KIAA1549L: variants seen among roughly 807,000 people sequenced by gnomAD.
KIAA1549L encodes KIAA1549 like.
KIAA1549L carries 88 observed loss-of-function variants against 160.7 expected under a neutral mutation model. The ratio of observed to expected loss-of-function variants is 0.55; its 90% CI spans 0.46 to 0.65. The LOEUF is 0.65. KIAA1549L is among the 30% of genes least tolerant of loss of function. The pLI is 0.00. For synonymous variants in KIAA1549L, 950 were observed against 976.7 expected, an observed-to-expected ratio of 0.97 and a Z score of 0.51; for missense variants, 2,258 against 2,437.5, an observed-to-expected ratio of 0.93 and a Z score of 1.55.
intron 16 of KIAA1549L, among the ~76,000 whole-genome samples, chr11:33,630,955 G>A (rs1034753004): frequency 3.3e-5 from 5 of 152,136 alleles, no homozygotes; most frequent in Admixed American, 2.0e-4. Flanking sequence ...ATTAATTTTC[G>A]TGCATGGCCA....
intron 9 of KIAA1549L, 87 bp downstream of exon 9, chr11:33,568,314 C>A: frequency 7.7e-7 from 1 of 1,292,100 alleles, no homozygotes; most frequent in Non-Finnish European, 1.0e-6. Flanking sequence ...AGTCAGTGTG[C>A]TCAGAGGAGC....
At chr11:33,450,120 A>AC (rs1331766145) in intron 1 of KIAA1549L, among the ~76,000 whole-genome samples, 1 of 152,216 alleles carries the variant, frequency 6.6e-6, no homozygotes, top group African/African-American at 2.4e-5. Context: ...GCATAACTGA[A>AC]CACCTCATTT....
intron 1 of KIAA1549L, among the ~76,000 whole-genome samples, chr11:33,537,668 A>G (rs1853923325): frequency 6.6e-6 from 1 of 152,216 alleles, no homozygotes; most frequent in Non-Finnish European, 1.5e-5. Context: ...CTGGAGCACT[A>G]AATAACACAT....
At chr11:33,611,844 A>T (rs1304816801) in intron 15 of KIAA1549L, among the ~76,000 whole-genome samples, 1 of 152,232 alleles carries the variant, frequency 6.6e-6, no homozygotes, top group Non-Finnish European at 1.5e-5. Context: ...TTAGGAAGTT[A>T]CTTGAGAAAC....
intron 8 of KIAA1549L, among the ~76,000 whole-genome samples, chr11:33,564,983 T>G: frequency 6.6e-6 from 1 of 152,232 alleles, no homozygotes; most frequent in East Asian, 1.9e-4. Flanking sequence ...TTGAATCTTC[T>G]GGACAAAGCT....
At chr11:33,408,773 TAAAAATACAAA>T (rs1850725064) in intron 1 of KIAA1549L, among the ~76,000 whole-genome samples, 1 of 57,478 alleles carries the variant, frequency 1.7e-5, no homozygotes, top group African/African-American at 6.3e-5. Context: ...CCATCACTAC[TAAAAATACAAA>T]AAAAAAAAAA....
intron 8 of KIAA1549L, among the ~76,000 whole-genome samples, chr11:33,567,611 A>C (rs763907304): frequency 6.6e-6 from 1 of 152,234 alleles, no homozygotes; most frequent in African/African-American, 2.4e-5. Flanking sequence ...GGCAAAATAA[A>C]ATAGGAATAG....
At position 33,423,724 on chromosome 11, in the gene KIAA1549L, T is replaced by C. The variant is rs184644847; in HGVS notation, c.238+46835T>C. Among the ~76,000 whole-genome samples, 63 of 152,300 alleles carry C rather than the reference T, an allele frequency of 4.1e-4. No individual in the cohort carries two copies. The East Asian group carries it at 4.2e-3, about 10-fold the overall frequency. On this transcript the variant is annotated intron_variant, in intron 1 of 20. Transcript: ENST00000658780. The stretch of plus-strand genomic sequence containing the variant: ...AGTGAGATCCAGATTCTAAAGTCAT[T>C]CTTTGAAGAATTGTAACAGAAGGCT...
At chr11:33,386,126 A>G (rs981365203) in intron 1 of KIAA1549L, among the ~76,000 whole-genome samples, 1 of 152,188 alleles carries the variant, frequency 6.6e-6, no homozygotes, top group African/African-American at 2.4e-5. Flanking sequence ...CTGAATAGAA[A>G]TAGGGAGAGT....
chr11:33,543,574 G>A lies in KIAA1549L; in HGVS notation c.2011G>A (p.Ala671Thr), dbSNP rs771677622. The A allele has an allele frequency of 6.2e-7, 1 of 1,614,004 alleles. No individual in the cohort carries two copies. Among genetic ancestry groups the A allele is most frequent in the Non-Finnish European group, 8.5e-7 (1 of 1,179,890 alleles). Residue 671 changes from alanine to threonine, a missense_variant, in exon 2 of 21, where the codon GCA becomes ACA. Physicochemically the swap from Ala to Thr is moderately conservative, Grantham distance 58 (BLOSUM62 0). Transcript: ENST00000658780. Reference sequence around the variant, plus strand: ...AGCTTCAGCTTCCAAACAGGTGAGAGCATCGCCCTCCTCCATGGATGTATA... The same window carrying A: ...AGCTTCAGCTTCCAAACAGGTGAGAACATCGCCCTCCTCCATGGATGTATA... The part of the protein sequence containing the change: ...LPASASKQVR[A>T]SPSSMDVYDS...
chr11:33,524,749 T>A (rs1200130303), intron 1 of KIAA1549L, among the ~76,000 whole-genome samples: 1 of 152,220 alleles, frequency 6.6e-6, no homozygotes, highest in Non-Finnish European at 1.5e-5. Context: ...CCTCCCAGCA[T>A]TTCAGTTAGA....
At chr11:33,569,832 C>T (rs1855183394) in intron 9 of KIAA1549L, among the ~76,000 whole-genome samples, 1 of 152,116 alleles carries the variant, frequency 6.6e-6, no homozygotes, top group Non-Finnish European at 1.5e-5. Flanking sequence ...TCCACTTTTC[C>T]AAATGACAGG....
intron 1 of KIAA1549L, among the ~76,000 whole-genome samples, chr11:33,418,796 A>G (rs1043719225): frequency 6.6e-6 from 1 of 152,150 alleles, no homozygotes; most frequent in African/African-American, 2.4e-5. Flanking sequence ...TTGCTGGGCT[A>G]AAGCATTGAA....
chr11:33,391,525 C>T (rs1489465240), intron 1 of KIAA1549L, among the ~76,000 whole-genome samples: 2 of 152,222 alleles, frequency 1.3e-5, no homozygotes, highest in East Asian at 1.9e-4. Context: ...CTGCCACTTC[C>T]GACGGCGTGT....
chr11:33,494,178 T>C (rs1852760581), intron 1 of KIAA1549L, among the ~76,000 whole-genome samples: 1 of 152,232 alleles, frequency 6.6e-6, no homozygotes, highest in Non-Finnish European at 1.5e-5. Context: ...TCACTGTTGA[T>C]TTTGTTTTTT....
chr11:33,530,436 AATATATATATATATATATATATAT>A (rs869093534), intron 1 of KIAA1549L, among the ~76,000 whole-genome samples: 3 of 11,892 alleles, frequency 2.5e-4, no homozygotes, highest in African/African-American at 7.3e-4. Flanking sequence ...AAAAAAAAAA[AATATATATATATATATATATATAT>A]ATATATATAT....
intron 1 of KIAA1549L, among the ~76,000 whole-genome samples, chr11:33,438,883 A>C (rs1851434412): frequency 1.4e-5 from 2 of 141,464 alleles, no homozygotes; most frequent in Non-Finnish European, 1.5e-5. Context: ...TAACCCTGGG[A>C]CTCTCAAGCT....
At chr11:33,445,221 C>G (rs764427797) in intron 1 of KIAA1549L, among the ~76,000 whole-genome samples, 5 of 152,214 alleles carry the variant, frequency 3.3e-5, no homozygotes, top group Non-Finnish European at 7.4e-5. Context: ...CTAATTTATC[C>G]CAAACCTCTG....
Position 33,606,920 on chromosome 11 carries a change from C to T in KIAA1549L, c.5061+98C>T. 2.9e-6 allele frequency: 3 copies of T among 1,052,398 alleles called. No individual in the cohort carries two copies. The Admixed American group carries it at 7.9e-5, about 28-fold the overall frequency. The allele number at this position is 1,052,398 out of a possible 1,614,324, so 65.2% of individuals were successfully genotyped here. ...TGTGAATACTGGGTGCAGATTGCAC[C>T]TAGGGCCGTATAGGTCATTTTTACC... On this transcript the variant is annotated intron_variant, in intron 14 of 20. Coordinates refer to ENST00000658780, the MANE Select transcript of KIAA1549L (RefSeq NM_012194.3).
Sources: allele counts gnomAD v4.1 joint callset (sites outside exome capture counted in the v4.1 genomes callset), GRCh38; gene constraint gnomAD v4.1.1; transcripts MANE v1.5; gene names NCBI Gene and HGNC (gene_info 2026-07-23, HGNC 2026-07-21).